Variants in KLF4 observed in about 807,000 individuals in gnomAD.
KLF4 encodes the protein Krueppel-like factor 4.
A neutral mutation model predicts 38.0 loss-of-function variants in KLF4; 14 were observed. The observed-to-expected ratio is 0.37, with a 90% CI of 0.24 to 0.58. The LOEUF is 0.58. Ranked by LOEUF, KLF4 falls within the 20% of genes least tolerant of loss-of-function variation. The pLI is 0.76. For synonymous variants in KLF4, 398 were observed against 302.5 expected (o/e 1.32, Z -3.28); for missense variants, 737 against 670.1 (o/e 1.10, Z -1.10).
rs181712953 is a variant in KLF4 at position 107,489,389 on chromosome 9, C to T, written c.-217G>A. On this transcript the variant is annotated 5_prime_UTR_variant, in exon 1 of 5. Transcript: ENST00000374672. ...AGTTGTAAACGCAAAAATAGACAATCAGCAAGGCGAGTAAGTAGGTCCGGT... is the reference window on the plus strand; with the variant it reads ...AGTTGTAAACGCAAAAATAGACAATTAGCAAGGCGAGTAAGTAGGTCCGGT... 8.6e-4 allele frequency: 468 copies of T among 546,418 alleles called. 1 individual carries two copies. The highest frequency in any genetic ancestry group is 8.1e-3 in the African/African-American group (414 of 50,954). 33.8% of individuals were successfully genotyped at this position (546,418 alleles called of 1,614,324 possible). A position where few individuals can be genotyped will look rare whatever the true frequency, so the allele number is the denominator to read the frequency against.
intron 4 of KLF4, among the ~76,000 whole-genome samples, chr9:107,486,796 CA>C (rs1829071117): frequency 6.6e-6 from 1 of 152,072 alleles, no homozygotes; most frequent in Non-Finnish European, 1.5e-5. Context: ...ATCCATCAAG[CA>C]AAAGGCTCCT....
In KLF4 at chr9:107,488,885, A is replaced by T. The variant is rs968157984; in HGVS notation, c.126+45T>A. 3.9e-6 allele frequency: 6 copies of T among 1,538,650 alleles called. No individual in the cohort carries two copies. Among genetic ancestry groups the T allele is most frequent in the Admixed American group, 2.0e-5 (1 of 50,340 alleles). On this transcript the variant is annotated intron_variant, in intron 2 of 4. Transcript: ENST00000374672. The surrounding 1 kb of genome is among the most constrained non-coding windows in gnomAD (Gnocchi z 5.7). ...GGCTCCGCCCGCCCCCACCACACCC[A>T]CGAAAACCCACCGGGCGTTCCCGGC... is the stretch of plus-strand genomic sequence containing the variant.
At position 107,488,255 on chromosome 9, in the gene KLF4, C is replaced by A; in HGVS notation, c.139G>T (p.Glu47Ter). ...AGAPNNRWRE[E>*]LSHMKRLPPV... Reference sequence around the variant, plus strand: ...GGAAGTCGCTTCATGTGGGAGAGCTCCTCCCGCCAGCGCTGCGGGGACAGG... The same window carrying A: ...GGAAGTCGCTTCATGTGGGAGAGCTACTCCCGCCAGCGCTGCGGGGACAGG... Residue 47 changes from glutamate to a stop codon, truncating the protein, a stop_gained, in exon 3 of 5, where the codon GAG becomes TAG. Coordinates refer to ENST00000374672, the MANE Select transcript of KLF4 (RefSeq NM_004235.6). LOFTEE classifies it high-confidence loss of function. The surrounding 1 kb of genome is among the most constrained non-coding windows in gnomAD (Gnocchi z 5.7). The A allele has an allele frequency of 6.2e-7, 1 of 1,604,440 alleles. No individual in the cohort carries two copies. Among genetic ancestry groups the A allele is most frequent in the South Asian group, 1.1e-5 (1 of 90,576 alleles).
rs1238563241 is a variant in KLF4, at chr9:107,489,358, T to C, written c.-186A>G. The C allele has an allele frequency of 2.4e-5, 19 of 805,768 alleles. No individual in the cohort carries two copies. Among genetic ancestry groups the C allele is most frequent in the Non-Finnish European group, 2.5e-5 (14 of 565,710 alleles). 49.9% of individuals were successfully genotyped at this position (805,768 alleles called of 1,614,324 possible). ...AAGTTCCTTTGTATACAAAAGTTCT[T>C]AGAAAAGTTGTAAACGCAAAAATAG... On this transcript the variant is annotated 5_prime_UTR_variant, in exon 1 of 5. Coordinates refer to ENST00000374672, the MANE Select transcript of KLF4 (RefSeq NM_004235.6).
rs1469843754 is a variant in KLF4 at position 107,487,483 on chromosome 9, T to A, written c.911A>T (p.Asp304Val). The part of the protein sequence containing the change: ...LSNGHRPAAH[D>V]FPLGRQLPSR... ...GGGGAGCTGCCGCCCCAGGGGGAAG[T>A]CGTGTGCAGCCGGCCGGTGGCCATT... Residue 304 changes from aspartate to valine, a missense_variant, in exon 3 of 5, where the codon GAC (aspartate) becomes GTC (valine). Asp to Val is a radical substitution (Grantham distance 152). Coordinates refer to ENST00000374672, the MANE Select transcript of KLF4 (RefSeq NM_004235.6). The surrounding 1 kb of genome is among the most constrained non-coding windows in gnomAD (Gnocchi z 6.1). 6.5e-6 allele frequency: 10 copies of A among 1,540,910 alleles called. No homozygotes were observed. The highest frequency in any genetic ancestry group is 8.7e-6 in the Non-Finnish European group (10 of 1,145,568).
At position 107,487,923 on chromosome 9, in the gene KLF4, C is replaced by A. The variant is rs1458232400; in HGVS notation, c.471G>T (p.Gly157=). ...CGCCCGGCGCCACGCCCGGGTCGTT[C>A]CCGGCCCGGATCGGATAGGTGAAGC... is the stretch of plus-strand genomic sequence containing the variant. ...TCSFTYPIRA[G]NDPGVAPGGT... is the part of the protein sequence containing the mutation. The change falls in exon 3 of 5, where the codon GGG becomes GGT. Residue 157 remains glycine, a synonymous_variant. Transcript: ENST00000374672. This position sits in a 1 kb window ranked among gnomAD's most constrained non-coding sequence, Gnocchi z 6.1. 6.3e-7 allele frequency: 1 copy of A among 1,576,104 alleles called. No homozygotes were observed. Among genetic ancestry groups the A allele is most frequent in the Non-Finnish European group, 8.6e-7 (1 of 1,161,262 alleles).
At position 107,488,908 on chromosome 9, in the gene KLF4, GGCGGCCCGGAGC is replaced by G; in HGVS notation, c.126+10_126+21del. The G allele has an allele frequency of 1.9e-6, 3 of 1,546,036 alleles. No individual in the cohort carries two copies. The South Asian group carries it at 3.6e-5, about 18-fold the overall frequency. On this transcript the variant is annotated intron_variant, in intron 2 of 4. Coordinates refer to ENST00000374672, the MANE Select transcript of KLF4 (RefSeq NM_004235.6). The surrounding 1 kb of genome is among the most constrained non-coding windows in gnomAD (Gnocchi z 5.7). ...CCACGAAAACCCACCGGGCGTTCCC[GGCGGCCCGGAGC>G]GATACTCACGTTATTCGGGGCACCT...
In KLF4 at chr9:107,485,072, T is replaced by C. The variant is rs1408479421; in HGVS notation, c.*679A>G. 4.9e-6 allele frequency: 1 copy of C among 202,658 alleles called. No individual in the cohort carries two copies. The highest frequency in any genetic ancestry group is 1.0e-5 in the Non-Finnish European group (1 of 98,306). 12.6% of individuals were successfully genotyped at this position (202,658 alleles called of 1,614,324 possible). ...TGGGAATAAACCATTGTACAAATTA[T>C]TGCACATCTGAAACCACAGTGCATA... On this transcript the variant is annotated 3_prime_UTR_variant, in exon 5 of 5. Transcript: ENST00000374672. The surrounding 1 kb of genome is among the most constrained non-coding windows in gnomAD (Gnocchi z 4.9).
At position 107,487,725 on chromosome 9, in the gene KLF4, G is replaced by A. The variant is rs777824544; in HGVS notation, c.669C>T (p.Gly223=). ...TCAGCACGAACTTGCCCATCAGCCCGCCACCTGGCGGCTGCGGCTGCTGCG... is the reference window on the plus strand; with the variant it reads ...TCAGCACGAACTTGCCCATCAGCCCACCACCTGGCGGCTGCGGCTGCTGCG... The part of the protein sequence containing the change: ...IPPQQPQPPG[G]GLMGKFVLKA... The change falls in exon 3 of 5, where the codon GGC becomes GGT. Residue 223 remains glycine, a synonymous_variant. Transcript: ENST00000374672. This position sits in a 1 kb window ranked among gnomAD's most constrained non-coding sequence, Gnocchi z 6.1. 6 of 1,595,316 alleles carry A rather than the reference G, an allele frequency of 3.8e-6. No individual in the cohort carries two copies. The highest frequency in any genetic ancestry group is 4.6e-5 in the East Asian group (2 of 43,956).
Position 107,489,365 on chromosome 9 carries a change from G to C in KLF4, c.-193C>G. Reference sequence around the variant, plus strand: ...TTTGTATACAAAAGTTCTTAGAAAAGTTGTAAACGCAAAAATAGACAATCA... The same window carrying C: ...TTTGTATACAAAAGTTCTTAGAAAACTTGTAAACGCAAAAATAGACAATCA... On this transcript the variant is annotated 5_prime_UTR_variant, in exon 1 of 5. Coordinates refer to ENST00000374672, the MANE Select transcript of KLF4 (RefSeq NM_004235.6). The C allele has an allele frequency of 1.4e-6, 1 of 703,258 alleles. No individual in the cohort carries two copies. The allele number at this position is 703,258 out of a possible 1,614,324, so 43.6% of individuals were successfully genotyped here.
rs946924173 is a variant in KLF4 at position 107,488,466 on chromosome 9, T to C, written c.127-199A>G. 2.1e-6 allele frequency: 2 copies of C among 953,126 alleles called. No individual in the cohort carries two copies. The highest frequency in any genetic ancestry group is 2.9e-5 in the Admixed American group (1 of 34,002). 59.0% of individuals were successfully genotyped at this position (953,126 alleles called of 1,614,324 possible). On this transcript the variant is annotated intron_variant, in intron 2 of 4. Coordinates refer to ENST00000374672, the MANE Select transcript of KLF4 (RefSeq NM_004235.6). This position sits in a 1 kb window ranked among gnomAD's most constrained non-coding sequence, Gnocchi z 5.7. ...CGAAGAAGAGGTGATGCGTCTGTATTGCGGGTGTTATGTCCTGTCTGCCCA... is the reference window on the plus strand; with the variant it reads ...CGAAGAAGAGGTGATGCGTCTGTATCGCGGGTGTTATGTCCTGTCTGCCCA...
At position 107,488,162 on chromosome 9, in the gene KLF4, C is replaced by T. The variant is rs1269192296; in HGVS notation, c.232G>A (p.Gly78Arg). The T allele has an allele frequency of 6.2e-7, 1 of 1,612,730 alleles. No individual in the cohort carries two copies. The highest frequency in any genetic ancestry group is 1.7e-5 in the Admixed American group (1 of 60,022). ...ATVATDLESG[G>R]AGAACGGSNL... ...CTACCGCCGCAAGCCGCACCGGCTC[C>T]GCCGCTCTCCAGGTCTGTGGCCACG... Residue 78 changes from glycine (G) to arginine (R), a missense_variant, in exon 3 of 5, where the codon GGA becomes AGA. Gly to Arg is a moderately radical substitution (Grantham distance 125). Coordinates refer to ENST00000374672, the MANE Select transcript of KLF4 (RefSeq NM_004235.6). The surrounding 1 kb of genome is among the most constrained non-coding windows in gnomAD (Gnocchi z 5.7).
intron 4 of KLF4, among the ~76,000 whole-genome samples, chr9:107,486,809 G>A (rs1047587047): frequency 1.3e-5 from 2 of 151,984 alleles, no homozygotes; most frequent in Non-Finnish European, 2.9e-5. Flanking sequence ...AAGGCTCCTG[G>A]GCAGAAAAGT....
chr9:107,486,521 TA>T (rs1491001743), intron 4 of KLF4, among the ~76,000 whole-genome samples: 15 of 150,198 alleles, frequency 1.0e-4, no homozygotes, highest in Non-Finnish European at 1.5e-5. Context: ...GGAAAAAAAA[TA>T]AAAATGTAAA....
In KLF4 at chr9:107,488,355, G is replaced by C; in HGVS notation, c.127-88C>G. ...ACGTGCTGGCGGGCCACGCGCGACTGCACCGCCCAGACATGGGGACTGGTC... is the reference window on the plus strand; with the variant it reads ...ACGTGCTGGCGGGCCACGCGCGACTCCACCGCCCAGACATGGGGACTGGTC... On this transcript the variant is annotated intron_variant, in intron 2 of 4. Transcript: ENST00000374672. This position sits in a 1 kb window ranked among gnomAD's most constrained non-coding sequence, Gnocchi z 5.7. The C allele has an allele frequency of 1.4e-6, 2 of 1,456,778 alleles. No individual in the cohort carries two copies. Among genetic ancestry groups the C allele is most frequent in the South Asian group, 1.4e-5 (1 of 70,426 alleles). The allele number at this position is 1,456,778 out of a possible 1,614,324, so 90.2% of individuals were successfully genotyped here.
At chr9:107,486,020 G>T in intron 4 of KLF4, 94 bp from the exon 5 acceptor site, 1 of 1,081,000 alleles carries the variant, frequency 9.3e-7, no homozygotes, top group Non-Finnish European at 1.3e-6. Context: ...AACCAACTCT[G>T]ACCCTATCCT....
rs2133189805 is a variant in KLF4 at position 107,488,443 on chromosome 9, A to G, written c.127-176T>C. On this transcript the variant is annotated intron_variant, in intron 2 of 4. Coordinates refer to ENST00000374672, the MANE Select transcript of KLF4 (RefSeq NM_004235.6). The surrounding 1 kb of genome is among the most constrained non-coding windows in gnomAD (Gnocchi z 5.7). Reference sequence around the variant, plus strand: ...GCAATCTCGGCCCACTCCCGGGTCGAAGAAGAGGTGATGCGTCTGTATTGC... The same window carrying G: ...GCAATCTCGGCCCACTCCCGGGTCGGAGAAGAGGTGATGCGTCTGTATTGC... 3.5e-6 allele frequency: 4 copies of G among 1,146,854 alleles called. No individual in the cohort carries two copies. The East Asian group carries it at 1.0e-4, about 30-fold the overall frequency. 71.0% of individuals were successfully genotyped at this position (1,146,854 alleles called of 1,614,324 possible).
Position 107,488,088 on chromosome 9 carries a change from G to C in KLF4, c.306C>G (p.Leu102=), listed in dbSNP as rs370082993. Residue 102 remains leucine (L), a synonymous_variant, in exon 3 of 5, where the codon CTC becomes CTG. Transcript: ENST00000374672. This position sits in a 1 kb window ranked among gnomAD's most constrained non-coding sequence, Gnocchi z 5.7. ...PRRETEEFND[L]LDLDFILSNS... ...TGGAGAGAATAAAGTCCAGGTCCAG[G>C]AGATCGTTGAACTCCTCGGTCTCTC... 1.1e-5 allele frequency: 17 copies of C among 1,613,018 alleles called. No individual in the cohort carries two copies. The East Asian group carries it at 3.3e-4, about 32-fold the overall frequency.
intron 4 of KLF4, 102 bp from the exon 5 acceptor site, chr9:107,486,028 C>G (rs891772067): frequency 1.0e-5 from 10 of 998,398 alleles, no homozygotes; most frequent in Non-Finnish European, 1.5e-5. Flanking sequence ...CTGACCCTAT[C>G]CTAAAGAAAT....
Sources: allele counts gnomAD v4.1 joint callset (sites outside exome capture counted in the v4.1 genomes callset), GRCh38; gene constraint gnomAD v4.1.1; non-coding constraint Gnocchi (gnomAD v3.1); transcripts MANE v1.5; gene names NCBI Gene and HGNC (gene_info 2026-07-23, HGNC 2026-07-21).